The following RYR2 variants were observed in gnomAD, a reference collection of about 807,000 sequenced individuals.
RYR2 encodes the protein ryanodine receptor 2.
A neutral mutation model predicts 601.1 loss-of-function variants in RYR2; 227 were observed. That is an observed-to-expected ratio of 0.38 (90% CI 0.34 to 0.42). The LOEUF (loss-of-function observed/expected upper bound fraction) is 0.42. Among genes scored for constraint, RYR2 ranks in the 10% least tolerant of loss-of-function variants. The probability of loss-of-function intolerance (pLI) is 1.00; values close to 1 mark genes in which losing one functional copy is unlikely to be tolerated. For missense variants in RYR2, 4,646 were observed against 6,156.5 expected, an observed-to-expected ratio of 0.75 and a Z score of 8.21; for synonymous variants, 2,223 against 2,175.1, an observed-to-expected ratio of 1.02 and a Z score of -0.61.
At chr1:237,219,480 C>T (rs539062798) in intron 1 of RYR2, among the ~76,000 whole-genome samples, 31 of 152,100 alleles carry the variant, frequency 2.0e-4, no homozygotes, top group Non-Finnish European at 3.7e-4. Context: ...CTCTTGCCCC[C>T]GGAGACGTCT....
At chr1:237,683,921 G>A (rs948047580) in intron 62 of RYR2, among the ~76,000 whole-genome samples, 4 of 31,122 alleles carry the variant, frequency 1.3e-4, no homozygotes, top group Non-Finnish European at 2.6e-4. Flanking sequence ...TAGCAGGTGG[G>A]TCTTTTTCTT....
intron 1 of RYR2, among the ~76,000 whole-genome samples, chr1:237,153,189 T>A (rs1004715511): frequency 6.6e-6 from 1 of 152,134 alleles, no homozygotes; most frequent in Non-Finnish European, 1.5e-5. Flanking sequence ...ATGGACAATT[T>A]GGAGCAAGAA....
chr1:237,827,794 A>C (rs975884970), intron 101 of RYR2, among the ~76,000 whole-genome samples: 2 of 150,888 alleles, frequency 1.3e-5, no homozygotes, highest in Non-Finnish European at 3.0e-5. Context: ...AAAATTAGCC[A>C]GGTGTGGCAG....
intron 79 of RYR2, among the ~76,000 whole-genome samples, chr1:237,739,074 A>G (rs1691389467): frequency 6.6e-6 from 1 of 152,192 alleles, no homozygotes; most frequent in Non-Finnish European, 1.5e-5. Context: ...TTTCTGTATT[A>G]CAAACATCAC....
At chr1:237,128,513 G>T (rs987753285) in intron 1 of RYR2, among the ~76,000 whole-genome samples, 3 of 152,216 alleles carry the variant, frequency 2.0e-5, no homozygotes, top group Non-Finnish European at 2.9e-5. Flanking sequence ...GTGAATAAGG[G>T]AGTGAGTGGT....
At chr1:237,584,296 A>C (rs895048890) in intron 29 of RYR2, among the ~76,000 whole-genome samples, 11 of 152,216 alleles carry the variant, frequency 7.2e-5, no homozygotes, top group African/African-American at 2.4e-4. Context: ...GTGATGATTA[A>C]GAGTGATGTC....
In RYR2 at chr1:237,678,039, A is replaced by C. The variant is rs187977513; in HGVS notation, c.8831-9A>C. The C allele has an allele frequency of 3.0e-4, 471 of 1,584,318 alleles. 1 individual carries two copies. Among genetic ancestry groups the C allele is most frequent in the Middle Eastern group, 1.0e-3 (6 of 6,018 alleles). ...GCAGCATTTACCTAAAAACTCTTCA[A>C]ATCTACAGATGGTGGCAGCAGAGGC... is the stretch of plus-strand genomic sequence containing the variant. On this transcript the variant is annotated splice_polypyrimidine_tract_variant and intron_variant, in intron 60 of 104. Coordinates refer to ENST00000366574, the MANE Select transcript of RYR2 (RefSeq NM_001035.3).
intron 1 of RYR2, among the ~76,000 whole-genome samples, chr1:237,121,472 A>G (rs942828273): frequency 1.5e-4 from 23 of 152,326 alleles, no homozygotes; most frequent in Admixed American, 3.9e-4. Flanking sequence ...GAATTTTAAG[A>G]TAATTTCCAA....
At chr1:237,340,814 G>T (rs1009630408) in intron 3 of RYR2, among the ~76,000 whole-genome samples, 14 of 152,158 alleles carry the variant, frequency 9.2e-5, no homozygotes, top group African/African-American at 3.4e-4. Context: ...AATTGATGCA[G>T]TGATGTAATG....
intron 43 of RYR2, 133 bp from the exon 44 acceptor site, chr1:237,634,756 A>G (rs1337588481): frequency 4.9e-6 from 3 of 609,162 alleles, no homozygotes; most frequent in Non-Finnish European, 8.4e-6. Flanking sequence ...TTAAACTTTA[A>G]TGTAAATCAA....
At chr1:237,287,748 T>C (rs777391074) in intron 2 of RYR2, among the ~76,000 whole-genome samples, 2 of 152,228 alleles carry the variant, frequency 1.3e-5, no homozygotes, top group Non-Finnish European at 2.9e-5. Context: ...TGCACGGGGC[T>C]TTGCCTTTCT....
At chr1:237,593,758 G>A (rs549950213) in intron 33 of RYR2, 122 bp downstream of exon 33, 126 of 1,014,740 alleles carry the variant, frequency 1.2e-4, no homozygotes, top group Middle Eastern at 2.5e-4. Context: ...ATATAATCAA[G>A]CCATTAATGT....
intron 10 of RYR2, among the ~76,000 whole-genome samples, chr1:237,411,760 T>A (rs1476128060): frequency 6.6e-6 from 1 of 152,082 alleles, no homozygotes; most frequent in East Asian, 1.9e-4. Context: ...CTTAAGAAAG[T>A]TAATAACAAT....
In RYR2 at chr1:237,649,956, G is replaced by A. The variant is rs1682562540; in HGVS notation, c.7592G>A (p.Cys2531Tyr). 6.2e-7 allele frequency: 1 copy of A among 1,613,790 alleles called. No individual in the cohort carries two copies. Among genetic ancestry groups the A allele is most frequent in the African/African-American group, 1.3e-5 (1 of 74,972 alleles). ...GCCGTCTTGCCATTGTTAACAAGAT[G>A]TGCTCCTCTCTTTGCTGGCACAGAG... Reference protein sequence around the residue: ...CTAVLPLLTRCAPLFAGTEHH... With the variant: ...CTAVLPLLTRYAPLFAGTEHH... The change falls in exon 50 of 105, where the codon TGT becomes TAT. Residue 2531 changes from cysteine to tyrosine, a missense_variant. Cys to Tyr is a radical substitution (Grantham distance 194). This residue lies in a region of RYR2 where 1,497 missense variants were observed against 1,842.6 expected (regional missense o/e 0.81). Coordinates refer to ENST00000366574, the MANE Select transcript of RYR2 (RefSeq NM_001035.3).
At chr1:237,720,297 T>C (rs187103138) in intron 73 of RYR2, among the ~76,000 whole-genome samples, 2 of 152,308 alleles carry the variant, frequency 1.3e-5, no homozygotes, top group African/African-American at 4.8e-5. Flanking sequence ...TTTCTGGGTA[T>C]TAAAATGTCT....
At chr1:237,797,949 A>T in intron 96 of RYR2, 88 bp from the exon 97 acceptor site, 1 of 1,202,816 alleles carries the variant, frequency 8.3e-7, no homozygotes, top group African/African-American at 1.6e-5. Flanking sequence ...TACAGTAAGT[A>T]TAAAAATAAT....
chr1:237,416,041 A>G (rs1467245791), intron 10 of RYR2, among the ~76,000 whole-genome samples: 2 of 152,198 alleles, frequency 1.3e-5, no homozygotes, highest in East Asian at 3.8e-4. Context: ...CAGGTAGGGA[A>G]CGGCAGGTGA....
Position 237,717,180 on chromosome 1 carries a change from C to G in RYR2, c.10324-18C>G, listed in dbSNP as rs1270536137. On this transcript the variant is annotated intron_variant, in intron 71 of 104. Transcript: ENST00000366574. Reference sequence around the variant, plus strand: ...AGAAAAGCAGGTTCAGATCCCAGCACTTCTCTTTGTTCCATAGGCAGCTGT... The same window carrying G: ...AGAAAAGCAGGTTCAGATCCCAGCAGTTCTCTTTGTTCCATAGGCAGCTGT... 1 of 1,611,692 alleles carries G rather than the reference C, an allele frequency of 6.2e-7. No homozygotes were observed. Among genetic ancestry groups the G allele is most frequent in the South Asian group, 1.1e-5 (1 of 90,664 alleles).
chr1:237,560,166 C>T (rs1671306531), intron 27 of RYR2, among the ~76,000 whole-genome samples: 1 of 152,256 alleles, frequency 6.6e-6, no homozygotes, highest in Non-Finnish European at 1.5e-5. Context: ...TGAGCATGGC[C>T]TTCTAGAGTC....
Sources: gnomAD v4.1 joint callset for allele counts (sites outside exome capture counted in the v4.1 genomes callset) on GRCh38, gnomAD v4.1.1 for gene constraint, gnomAD v4.1.1 regional missense constraint, MANE v1.5 for transcripts, NCBI Gene and HGNC (gene_info 2026-07-23, HGNC 2026-07-21) for gene names.